PVT1: variants seen among roughly 807,000 people sequenced by gnomAD.
PVT1 encodes Pvt1 oncogene.
At chr8:128,077,184 G>A (rs1048804510) in intron 5 of PVT1, among the ~76,000 whole-genome samples, 3 of 152,232 alleles carry the variant, frequency 2.0e-5, no homozygotes, top group South Asian at 2.1e-4. Flanking sequence ...GTGAAGCCAC[G>A]TGGGAGGCAT....
intron 2 of PVT1, among the ~76,000 whole-genome samples, chr8:127,885,757 A>G (rs1049865305): frequency 2.9e-4 from 44 of 152,218 alleles, no homozygotes; most frequent in African/African-American, 9.9e-4. Context: ...AGATGAGGAA[A>G]TTAAGGGTTA....
chr8:127,941,238 A>T (rs1816345852), intron 3 of PVT1, among the ~76,000 whole-genome samples: 1 of 152,240 alleles, frequency 6.6e-6, no homozygotes, highest in Non-Finnish European at 1.5e-5. Flanking sequence ...AGAAAAGATT[A>T]TCTAATTTTA....
At chr8:127,798,758 C>T (rs1268242380) in intron 2 of PVT1, among the ~76,000 whole-genome samples, 3 of 150,542 alleles carry the variant, frequency 2.0e-5, no homozygotes, top group Non-Finnish European at 3.0e-5. Context: ...CGCCTGTAGT[C>T]CTAGCTACTC....
At chr8:127,862,038 C>T (rs541676600) in intron 2 of PVT1, among the ~76,000 whole-genome samples, 59 of 152,286 alleles carry the variant, frequency 3.9e-4, no homozygotes, top group Admixed American at 9.2e-4. Context: ...ACTCCACAGG[C>T]AATATTAGGG....
chr8:127,838,435 T>C (rs1230947459), intron 2 of PVT1, among the ~76,000 whole-genome samples: 3 of 152,062 alleles, frequency 2.0e-5, no homozygotes. Context: ...CCAGGTGCGG[T>C]GGTTCATGCC....
At chr8:127,947,447 T>G (rs73353791) in intron 3 of PVT1, 3,331 of 321,546 alleles carry the variant, frequency 0.01, 119 homozygotes, top group African/African-American at 0.066. Flanking sequence ...GTCTGTCCTT[T>G]GTAACTGCTC....
At chr8:127,868,545 A>T (rs1049426016) in intron 2 of PVT1, among the ~76,000 whole-genome samples, 4 of 151,190 alleles carry the variant, frequency 2.6e-5, no homozygotes, top group African/African-American at 9.7e-5. Flanking sequence ...ATGCCACCAC[A>T]CCCAGCTAAT....
At chr8:127,985,580 G>A (rs987463305) in intron 3 of PVT1, among the ~76,000 whole-genome samples, 2 of 152,102 alleles carry the variant, frequency 1.3e-5, no homozygotes, top group Non-Finnish European at 2.9e-5. Flanking sequence ...TGCACCCCAT[G>A]CTCGGCTTGC....
At chr8:128,061,339 T>C (rs1175232898) in intron 4 of PVT1, among the ~76,000 whole-genome samples, 1 of 152,266 alleles carries the variant, frequency 6.6e-6, no homozygotes, top group East Asian at 1.9e-4. Flanking sequence ...TCATTCTTTT[T>C]TATGCCCAAA....
intron 4 of PVT1, among the ~76,000 whole-genome samples, chr8:127,994,488 C>A (rs972142511): frequency 6.6e-6 from 1 of 152,196 alleles, no homozygotes; most frequent in Non-Finnish European, 1.5e-5. Flanking sequence ...CTTTGTCCTT[C>A]TTTAAAGCCT....
chr8:127,823,322 C>T (rs1312831665), intron 2 of PVT1, among the ~76,000 whole-genome samples: 1 of 152,154 alleles, frequency 6.6e-6, no homozygotes, highest in Non-Finnish European at 1.5e-5. Flanking sequence ...TTAACCATAT[C>T]AAAGAGAAGG....
chr8:128,036,771 G>T (rs922511295), intron 4 of PVT1, among the ~76,000 whole-genome samples: 1 of 152,200 alleles, frequency 6.6e-6, no homozygotes, highest in Non-Finnish European at 1.5e-5. Context: ...CTGCTGCAGG[G>T]TTACCGCACC....
At chr8:127,846,608 A>C (rs544659855) in intron 2 of PVT1, among the ~76,000 whole-genome samples, 2 of 152,260 alleles carry the variant, frequency 1.3e-5, no homozygotes, top group East Asian at 3.9e-4. Flanking sequence ...GCCGAGTGGC[A>C]GCTGGTGTAG....
At chr8:127,821,899 C>T (rs968084281) in intron 2 of PVT1, among the ~76,000 whole-genome samples, 7 of 152,206 alleles carry the variant, frequency 4.6e-5, no homozygotes, top group Admixed American at 2.0e-4. Context: ...GTGACACAAA[C>T]GGTGGACTTT....
intron 2 of PVT1, among the ~76,000 whole-genome samples, chr8:127,836,519 AGT>A (rs1286578761): frequency 2.0e-5 from 3 of 152,042 alleles, no homozygotes; most frequent in South Asian, 2.1e-4. Context: ...TAAATTTTGG[AGT>A]GACTGCAGTG....
chr8:128,092,668 A>G (rs2130170216), intron 5 of PVT1, among the ~76,000 whole-genome samples: 1 of 152,304 alleles, frequency 6.6e-6, no homozygotes, highest in African/African-American at 2.4e-5. Flanking sequence ...CAGGGTTCAG[A>G]TGAGGGCTGG....
At chr8:127,987,237 C>T (rs1265528409) in intron 3 of PVT1, among the ~76,000 whole-genome samples, 2 of 152,180 alleles carry the variant, frequency 1.3e-5, no homozygotes, top group Non-Finnish European at 2.9e-5. Context: ...GCCTCTTCTG[C>T]GCACTGTCTC....
intron 4 of PVT1, among the ~76,000 whole-genome samples, chr8:128,023,680 A>G (rs1461875634): frequency 3.9e-5 from 6 of 152,216 alleles, no homozygotes; most frequent in Non-Finnish European, 5.9e-5. Context: ...GGCTGCAATC[A>G]CTGCCACTCA....
chr8:127,961,726 A>T (rs190321518), intron 3 of PVT1, among the ~76,000 whole-genome samples: 2 of 152,374 alleles, frequency 1.3e-5, no homozygotes, highest in East Asian at 3.9e-4. Context: ...GTTTTGCCAG[A>T]CTAAAAAGTG....
Sources: gnomAD v4.1 joint callset for allele counts (sites outside exome capture counted in the v4.1 genomes callset) on GRCh38, gnomAD v4.1.1 for gene constraint, MANE v1.5 for transcripts, NCBI Gene and HGNC (gene_info 2026-07-23, HGNC 2026-07-21) for gene names.